The following ITCH variants were observed in gnomAD, a reference collection of about 807,000 sequenced individuals.
ITCH encodes the protein itchy E3 ubiquitin protein ligase, also known as E3 ubiquitin-protein ligase Itchy homolog.
Under a neutral mutation model 126.8 loss-of-function variants are expected in ITCH, and 28 were observed. That is an observed-to-expected ratio of 0.22 (90% CI 0.16 to 0.30). ITCH has a LOEUF of 0.30. Among genes scored for constraint, ITCH ranks in the 10% least tolerant of loss-of-function variants. ITCH has a pLI of 1.00. For missense variants in ITCH, 631 were observed against 1,032.4 expected, an observed-to-expected ratio of 0.61 and a Z score of 5.33; for synonymous variants, 342 against 340.0, an observed-to-expected ratio of 1.01 and a Z score of -0.06.
At chr20:34,369,924 C>G (rs568836809) in intron 2 of ITCH, among the ~76,000 whole-genome samples, 1 of 151,348 alleles carries the variant, frequency 6.6e-6, no homozygotes, top group Non-Finnish European at 1.5e-5. Flanking sequence ...GACAACATGG[C>G]GAGACCCTGA....
intron 6 of ITCH, among the ~76,000 whole-genome samples, chr20:34,422,861 C>A (rs556389195): frequency 6.6e-6 from 1 of 151,552 alleles, no homozygotes; most frequent in East Asian, 1.9e-4. Flanking sequence ...GTGGTGTGAT[C>A]TCTGCTCACT....
intron 24 of ITCH, among the ~76,000 whole-genome samples, chr20:34,507,290 G>GTTTTTTTTTTTTTTTTTTTTTTTTTGTT (rs372382674): frequency 1.6e-4 from 11 of 70,006 alleles, no homozygotes; most frequent in East Asian, 4.4e-4. Context: ...TTTTTTTTTT[G>GTTTTTTTTTTTTTTTTTTTTTTTTTGTT]GTTGTTGTTG....
rs540106606 is a variant in ITCH at position 34,492,652 on chromosome 20, A to G, written c.2416+55A>G. On this transcript the variant is annotated intron_variant, in intron 23 of 24. Coordinates refer to ENST00000374864, the MANE Select transcript of ITCH (RefSeq NM_031483.7). ...AGAAAATTGTTTATCATGCTGCTTT[A>G]CGTAAATGTGTATACAGCCTATTAG... 23 of 1,119,236 alleles carry G rather than the reference A, an allele frequency of 2.1e-5. No homozygotes were observed. In the African/African-American group the frequency reaches 2.6e-4, roughly 13 times the overall value. 69.3% of individuals were successfully genotyped at this position (1,119,236 alleles called of 1,614,324 possible).
chr20:34,403,183 T>G (rs1242096894), intron 3 of ITCH, among the ~76,000 whole-genome samples: 2 of 152,166 alleles, frequency 1.3e-5, no homozygotes, highest in Non-Finnish European at 1.5e-5. Context: ...TTTGGCACTG[T>G]TTTTTGTTGT....
At position 34,440,321 on chromosome 20, in the gene ITCH, A is replaced by G. The variant is rs1983583479; in HGVS notation, c.846A>G (p.Val282=). 6.2e-7 allele frequency: 1 copy of G among 1,613,978 alleles called. No homozygotes were observed. Among genetic ancestry groups the G allele is most frequent in the Non-Finnish European group, 8.5e-7 (1 of 1,179,920 alleles). The change falls in exon 9 of 25, where the codon GTA becomes GTG. Residue 282 remains valine, a synonymous_variant. Coordinates refer to ENST00000374864, the MANE Select transcript of ITCH (RefSeq NM_031483.7). ...CAGGCCCTAGGCCATTAAATCCTGT[A>G]ACTCAAGCTCCCTTGCCACCTGGGT... ...GGSGPRPLNP[V]TQAPLPPGWE...
intron 1 of ITCH, among the ~76,000 whole-genome samples, chr20:34,365,065 T>TCAC (rs1352486943): frequency 6.6e-6 from 1 of 151,928 alleles, no homozygotes; most frequent in East Asian, 1.9e-4. Flanking sequence ...CCGGGTGTGG[T>TCAC]GGCAGGCGCC....
chr20:34,424,650 A>G (rs1981247717), intron 7 of ITCH, 125 bp downstream of exon 7: 1 of 847,696 alleles, frequency 1.2e-6, no homozygotes, highest in African/African-American at 1.7e-5. Context: ...TCAGAACTCA[A>G]GAAGGGAAAT....
chr20:34,424,924 T>C (rs987270152), intron 7 of ITCH, among the ~76,000 whole-genome samples: 1 of 152,208 alleles, frequency 6.6e-6, no homozygotes, highest in African/African-American at 2.4e-5. Context: ...GGGGCAGAGC[T>C]TTGTACCAGC....
chr20:34,371,955 C>T (rs1300939772), intron 2 of ITCH, among the ~76,000 whole-genome samples: 2 of 152,118 alleles, frequency 1.3e-5, no homozygotes, highest in East Asian at 3.9e-4. Context: ...TGCTAACTCA[C>T]TGATTTTTCA....
In ITCH at chr20:34,485,316, G is replaced by T. The variant is rs1011795549; in HGVS notation, c.2094-3950G>T. Among the ~76,000 whole-genome samples the T allele has an allele frequency of 9.9e-5, 15 of 152,210 alleles. No homozygotes were observed. The East Asian group carries it at 2.3e-3, about 24-fold the overall frequency. On this transcript the variant is annotated intron_variant, in intron 20 of 24. Transcript: ENST00000374864. ...TGAGTAAATACCTAGGAGTGAAATCGCTGGGAAGGTGTTTGACTTTATTAG... is the reference window on the plus strand; with the variant it reads ...TGAGTAAATACCTAGGAGTGAAATCTCTGGGAAGGTGTTTGACTTTATTAG...
At chr20:34,499,028 G>A (rs1990066034) in intron 23 of ITCH, among the ~76,000 whole-genome samples, 1 of 150,720 alleles carries the variant, frequency 6.6e-6, no homozygotes, top group Non-Finnish European at 1.5e-5. Context: ...AGGCTGGAAC[G>A]CAGTGGCACG....
At chr20:34,450,476 T>G (rs1467285982) in intron 12 of ITCH, among the ~76,000 whole-genome samples, 1 of 152,206 alleles carries the variant, frequency 6.6e-6, no homozygotes, top group Non-Finnish European at 1.5e-5. Flanking sequence ...ACCTTAGTTA[T>G]TAAAATAGAC....
intron 6 of ITCH, among the ~76,000 whole-genome samples, chr20:34,422,517 A>T (rs1223224519): frequency 6.6e-6 from 1 of 152,144 alleles, no homozygotes; most frequent in Non-Finnish European, 1.5e-5. Flanking sequence ...TCCATATTAA[A>T]ACATTCTTAA....
At chr20:34,504,556 T>C (rs529637900) in intron 24 of ITCH, among the ~76,000 whole-genome samples, 153 bp downstream of exon 24, 1 of 152,354 alleles carries the variant, frequency 6.6e-6, no homozygotes, top group East Asian at 1.9e-4. Flanking sequence ...TGTTCACCCC[T>C]GTATGATTCC....
At chr20:34,372,978 T>C (rs899101010) in intron 2 of ITCH, among the ~76,000 whole-genome samples, 19 of 150,884 alleles carry the variant, frequency 1.3e-4, no homozygotes, top group Non-Finnish European at 1.8e-4. Flanking sequence ...TGTATTCCTT[T>C]TTTTTTTTTT....
intron 20 of ITCH, among the ~76,000 whole-genome samples, chr20:34,489,051 A>G (rs1418169670): frequency 6.6e-6 from 1 of 152,202 alleles, no homozygotes; most frequent in Admixed American, 6.5e-5. Context: ...ATAAATAAAG[A>G]AATGAAATTA....
chr20:34,465,400 T>C (rs1240823839), intron 14 of ITCH, among the ~76,000 whole-genome samples: 1 of 152,160 alleles, frequency 6.6e-6, no homozygotes, highest in East Asian at 1.9e-4. Flanking sequence ...ATGGATTTTT[T>C]TATTTCTGAA....
intron 20 of ITCH, among the ~76,000 whole-genome samples, chr20:34,482,673 A>G (rs775292429): frequency 6.6e-6 from 1 of 152,250 alleles, no homozygotes; most frequent in Middle Eastern, 3.4e-3. Flanking sequence ...TTGAGTGTCT[A>G]TGGCTTTTCC....
chr20:34,446,527 T>C (rs1229806659), intron 11 of ITCH, among the ~76,000 whole-genome samples: 1 of 152,182 alleles, frequency 6.6e-6, no homozygotes, highest in African/African-American at 2.4e-5. Context: ...CATATAACAA[T>C]TTTTTCCTGC....
Sources: gnomAD v4.1 joint callset for allele counts (sites outside exome capture counted in the v4.1 genomes callset) on GRCh38, gnomAD v4.1.1 for gene constraint, MANE v1.5 for transcripts, NCBI Gene and HGNC (gene_info 2026-07-23, HGNC 2026-07-21) for gene names.